TTLL7: variants seen among roughly 807,000 people sequenced by gnomAD.
TTLL7 encodes tubulin polyglutamylase TTLL7.
A neutral mutation model predicts 120.2 loss-of-function variants in TTLL7; 53 were observed. That is an observed-to-expected ratio of 0.44 (90% CI 0.35 to 0.55). TTLL7 has a LOEUF of 0.55. Among genes scored for constraint, TTLL7 ranks in the 20% least tolerant of loss-of-function variants. The pLI, the probability that TTLL7 is intolerant of heterozygous loss-of-function variation, is 0.00. For synonymous variants in TTLL7, 353 were observed against 351.7 expected (o/e 1.00, Z -0.04); for missense variants, 803 against 1,054.7 (o/e 0.76, Z 3.31).
At chr1:83,957,536 C>T (rs994705336) in intron 1 of TTLL7, among the ~76,000 whole-genome samples, 1 of 152,094 alleles carries the variant, frequency 6.6e-6, no homozygotes, top group African/African-American at 2.4e-5. Flanking sequence ...CCAACAAATA[C>T]CCAGTACCTT....
intron 18 of TTLL7, among the ~76,000 whole-genome samples, chr1:83,895,831 A>G (rs1057461442): frequency 2.0e-5 from 3 of 152,056 alleles, no homozygotes; most frequent in Admixed American, 6.6e-5. Context: ...CTCTTCTTAG[A>G]TTCAGATTCA....
intron 1 of TTLL7, among the ~76,000 whole-genome samples, chr1:83,956,703 T>C (rs755763214): frequency 3.9e-5 from 6 of 152,214 alleles, no homozygotes; most frequent in Admixed American, 3.3e-4. Context: ...GTGCTGCGAT[T>C]GCAGGCGTGA....
At chr1:83,888,134 C>A (rs1021711581) in intron 19 of TTLL7, among the ~76,000 whole-genome samples, 8 of 151,978 alleles carry the variant, frequency 5.3e-5, no homozygotes, top group Non-Finnish European at 1.2e-4. Flanking sequence ...TGGAGATTAT[C>A]TATGGACTCA....
At chr1:83,955,372 A>C (rs1245215682) in intron 1 of TTLL7, among the ~76,000 whole-genome samples, 2 of 152,198 alleles carry the variant, frequency 1.3e-5, no homozygotes, top group Non-Finnish European at 2.9e-5. Flanking sequence ...GTTGAAACAT[A>C]GTCCCCAATG....
At chr1:83,871,945 C>CCATATT (rs1653452963) in intron 20 of TTLL7, among the ~76,000 whole-genome samples, 1 of 148,548 alleles carries the variant, frequency 6.7e-6, no homozygotes, top group South Asian at 2.2e-4. Flanking sequence ...AGGGATAGTA[C>CCATATT]CATATTCCCA....
At chr1:83,881,271 G>T (rs34343190) in intron 20 of TTLL7, among the ~76,000 whole-genome samples, 1 of 148,452 alleles carries the variant, frequency 6.7e-6, no homozygotes, top group Non-Finnish European at 1.5e-5. Context: ...AGCTTCTGCA[G>T]AGCAAAAGAA....
chr1:83,997,148 C>T (rs903797252), intron 1 of TTLL7, among the ~76,000 whole-genome samples: 3 of 152,094 alleles, frequency 2.0e-5, no homozygotes, highest in African/African-American at 4.8e-5. Context: ...TCAATACCCC[C>T]GTTAACTTGA....
rs144171714 is a variant in TTLL7 at position 83,873,777 on chromosome 1, G to A, written c.2544-3695C>T. Among the ~76,000 whole-genome samples the A allele has an allele frequency of 2.2e-3, 341 of 152,148 alleles. 8 individuals are homozygous for A. The East Asian group carries it at 0.059, about 26-fold the overall frequency. ...ACCAGGAGGATCTCTGGAACATGAC[G>A]CATTTCAAGACTGATAGAAATTAAC... On this transcript the variant is annotated intron_variant, in intron 20 of 20. Transcript: ENST00000260505.
At chr1:83,990,643 C>T (rs1652913256) in intron 1 of TTLL7, among the ~76,000 whole-genome samples, 1 of 152,162 alleles carries the variant, frequency 6.6e-6, no homozygotes, top group African/African-American at 2.4e-5. Flanking sequence ...CAAATCAAAT[C>T]TGTAACAAAT....
In TTLL7 at chr1:83,933,699, G is replaced by T; in HGVS notation, c.956C>A (p.Pro319His). 6.2e-7 allele frequency: 1 copy of T among 1,613,724 alleles called. No homozygotes were observed. The highest frequency in any genetic ancestry group is 8.5e-7 in the Non-Finnish European group (1 of 1,179,746). Residue 319 changes from proline (P) to histidine (H), a missense_variant, in exon 9 of 21, where the codon CCT becomes CAT. By Grantham distance (77) the Pro-to-His change is moderately conservative. Transcript: ENST00000260505. Reference protein sequence around the residue: ...HVLHAYRMCRPGQPPGSESVC... With the variant: ...HVLHAYRMCRHGQPPGSESVC... ...ACTTTCGCTTCCTGGAGGTTGACCA[G>T]GTCTACACATTCGATAGGCATGCAG...
intron 18 of TTLL7, among the ~76,000 whole-genome samples, chr1:83,898,079 G>T (rs1468809750): frequency 6.6e-6 from 1 of 151,884 alleles, no homozygotes; most frequent in Non-Finnish European, 1.5e-5. Context: ...CTCCACAGGT[G>T]ACCTACATTT....
intron 1 of TTLL7, among the ~76,000 whole-genome samples, chr1:83,978,283 T>A (rs1261465366): frequency 6.6e-6 from 1 of 152,182 alleles, no homozygotes; most frequent in Non-Finnish European, 1.5e-5. Context: ...TATGAACTGA[T>A]GAAGCTTTTC....
intron 1 of TTLL7, among the ~76,000 whole-genome samples, chr1:83,992,575 T>C (rs557674946): frequency 6.6e-6 from 1 of 152,282 alleles, no homozygotes; most frequent in African/African-American, 2.4e-5. Flanking sequence ...AATCTCATTA[T>C]GCTTCTGCAT....
chr1:83,900,118 C>A (rs1656591453), intron 18 of TTLL7: 1 of 426,474 alleles, frequency 2.3e-6, no homozygotes, highest in South Asian at 1.7e-5. Context: ...CAATGTTTAA[C>A]AGGCCTTCTC....
At chr1:83,957,951 T>C (rs1649672107) in intron 1 of TTLL7, among the ~76,000 whole-genome samples, 1 of 152,228 alleles carries the variant, frequency 6.6e-6, no homozygotes, top group South Asian at 2.1e-4. Context: ...TACTTTATTA[T>C]AGCAGCCTGA....
At chr1:83,921,060 T>C (rs559816212) in intron 12 of TTLL7, 27 bp downstream of exon 12, 13 of 1,582,254 alleles carry the variant, frequency 8.2e-6, no homozygotes, top group Non-Finnish European at 1.1e-5. Flanking sequence ...ATTTTTTCAA[T>C]CTATACAAAA....
At chr1:83,926,435 C>T (rs1255766043) in intron 10 of TTLL7, among the ~76,000 whole-genome samples, 4 of 152,132 alleles carry the variant, frequency 2.6e-5, no homozygotes, top group African/African-American at 4.8e-5. Flanking sequence ...TCAAAGCTAG[C>T]GAGAGGCACT....
At chr1:83,892,023 T>A (rs1297746007) in intron 18 of TTLL7, among the ~76,000 whole-genome samples, 1 of 151,600 alleles carries the variant, frequency 6.6e-6, no homozygotes, top group Admixed American at 6.6e-5. Context: ...GAGACAGGGT[T>A]TCACCACATT....
At chr1:83,949,712 A>G (rs1648861380) in intron 4 of TTLL7, 153 bp downstream of exon 4, 5 of 721,752 alleles carry the variant, frequency 6.9e-6, no homozygotes, top group Non-Finnish European at 9.0e-6. Context: ...TCATGCAAAG[A>G]GCCAATACAA....
Sources: gnomAD v4.1 joint callset for allele counts (sites outside exome capture counted in the v4.1 genomes callset) on GRCh38, gnomAD v4.1.1 for gene constraint, MANE v1.5 for transcripts, NCBI Gene and HGNC (gene_info 2026-07-23, HGNC 2026-07-21) for gene names.